Variants in ALK observed in about 807,000 individuals in gnomAD.
ALK encodes ALK tyrosine kinase receptor.
A neutral mutation model predicts 163.1 loss-of-function variants in ALK; 74 were observed. That is an observed-to-expected ratio of 0.45 (90% CI 0.38 to 0.55). ALK has a LOEUF of 0.55. ALK is among the 20% of genes least tolerant of loss of function. The pLI is 0.00. For missense variants in ALK, 2,063 were observed against 2,105.3 expected, an observed-to-expected ratio of 0.98 and a Z score of 0.39; for synonymous variants, 960 against 843.2, an observed-to-expected ratio of 1.14 and a Z score of -2.40.
At chr2:29,265,595 A>G (rs1376328101) in intron 11 of ALK, among the ~76,000 whole-genome samples, 1 of 152,210 alleles carries the variant, frequency 6.6e-6, no homozygotes. Context: ...GAATATGATC[A>G]TTGTTAGATC....
At chr2:29,692,406 G>T (rs1416573932) in intron 3 of ALK, among the ~76,000 whole-genome samples, 1 of 152,168 alleles carries the variant, frequency 6.6e-6, no homozygotes, top group East Asian at 1.9e-4. Flanking sequence ...AACCTTTTTG[G>T]CATCAAGGAC....
intron 3 of ALK, among the ~76,000 whole-genome samples, chr2:29,647,497 C>T (rs1054248725): frequency 6.6e-6 from 1 of 152,114 alleles, no homozygotes; most frequent in Non-Finnish European, 1.5e-5. Flanking sequence ...TGCAATCTTT[C>T]ATGTTTAGTG....
intron 1 of ALK, among the ~76,000 whole-genome samples, chr2:29,783,525 T>C (rs531887430): frequency 4.6e-5 from 7 of 152,198 alleles, no homozygotes; most frequent in Non-Finnish European, 8.8e-5. Context: ...CAACTGCCCA[T>C]TCATGATGTA....
intron 22 of ALK, among the ~76,000 whole-genome samples, chr2:29,222,113 T>C (rs1214665909): frequency 6.6e-6 from 1 of 152,134 alleles, no homozygotes; most frequent in Non-Finnish European, 1.5e-5. Flanking sequence ...TTGCAGACAG[T>C]GACATCGGTG....
chr2:29,355,973 T>C (rs1668236651), intron 5 of ALK, among the ~76,000 whole-genome samples: 2 of 152,134 alleles, frequency 1.3e-5, no homozygotes, highest in African/African-American at 4.8e-5. Flanking sequence ...CACAGTGGTA[T>C]CTTATAATCA....
At chr2:29,278,204 G>C (rs1261151527) in intron 9 of ALK, among the ~76,000 whole-genome samples, 1 of 152,186 alleles carries the variant, frequency 6.6e-6, no homozygotes, top group Non-Finnish European at 1.5e-5. Context: ...AGAGGAACTG[G>C]TGTGAGGGCC....
At chr2:29,824,313 G>T (rs1311757529) in intron 1 of ALK, among the ~76,000 whole-genome samples, 1 of 152,194 alleles carries the variant, frequency 6.6e-6, no homozygotes, top group Non-Finnish European at 1.5e-5. Context: ...GAGAAATGTG[G>T]GGTTGGAGCC....
chr2:29,676,566 T>C (rs1257662304), intron 3 of ALK, among the ~76,000 whole-genome samples: 2 of 152,042 alleles, frequency 1.3e-5, no homozygotes, highest in Non-Finnish European at 2.9e-5. Context: ...ACTTTGGCTT[T>C]ATAGTAAGTT....
chr2:29,737,351 T>C (rs934876212), intron 1 of ALK, among the ~76,000 whole-genome samples: 3 of 152,142 alleles, frequency 2.0e-5, no homozygotes, highest in African/African-American at 4.8e-5. Flanking sequence ...GAAAAACAAA[T>C]GTAAAACTAT....
chr2:29,249,287 C>G (rs376020139), intron 12 of ALK, among the ~76,000 whole-genome samples: 2 of 152,188 alleles, frequency 1.3e-5, no homozygotes, highest in African/African-American at 4.8e-5. Context: ...ATGGGCTCCG[C>G]TGGGGGCTTA....
intron 25 of ALK, among the ~76,000 whole-genome samples, chr2:29,208,508 A>G (rs1669374279): frequency 6.6e-6 from 1 of 152,156 alleles, no homozygotes; most frequent in South Asian, 2.1e-4. Context: ...GCTTGTGGGT[A>G]GTGTTAGAAG....
At chr2:29,369,585 C>T (rs115657171) in intron 5 of ALK, among the ~76,000 whole-genome samples, 2,701 of 152,198 alleles carry the variant, frequency 0.018, 70 homozygotes, top group African/African-American at 0.062. Flanking sequence ...TCACTGATGA[C>T]GGAGCTGGAC....
intron 1 of ALK, among the ~76,000 whole-genome samples, chr2:29,867,024 T>A (rs540849042): frequency 6.6e-5 from 10 of 152,202 alleles, no homozygotes; most frequent in South Asian, 2.1e-4. Flanking sequence ...CATAATTTAT[T>A]ATCTAGCTGG....
At chr2:29,836,156 A>C (rs1665553637) in intron 1 of ALK, among the ~76,000 whole-genome samples, 1 of 152,202 alleles carries the variant, frequency 6.6e-6, no homozygotes, top group Non-Finnish European at 1.5e-5. Context: ...TCTTTTAATA[A>C]GTCCCTTGTA....
intron 9 of ALK, among the ~76,000 whole-genome samples, chr2:29,287,815 A>G (rs1291309146): frequency 1.3e-5 from 2 of 151,710 alleles, no homozygotes; most frequent in Non-Finnish European, 2.9e-5. Flanking sequence ...GGGAAGGAAA[A>G]GGGTGGAAGG....
At chr2:29,840,233 A>G (rs968390085) in intron 1 of ALK, among the ~76,000 whole-genome samples, 3 of 152,150 alleles carry the variant, frequency 2.0e-5, no homozygotes, top group African/African-American at 7.2e-5. Context: ...GGAAGGGGCA[A>G]TATCTTGTAC....
intron 1 of ALK, among the ~76,000 whole-genome samples, chr2:29,846,766 G>A (rs1665853460): frequency 6.6e-6 from 1 of 152,210 alleles, no homozygotes; most frequent in African/African-American, 2.4e-5. Flanking sequence ...CACACTTGTT[G>A]AGTGTTTACC....
At chr2:29,550,199 T>C (rs1165750681) in intron 3 of ALK, among the ~76,000 whole-genome samples, 1 of 152,244 alleles carries the variant, frequency 6.6e-6, no homozygotes, top group Non-Finnish European at 1.5e-5. Context: ...TACTGCATTT[T>C]AATTTGCAAC....
intron 2 of ALK, among the ~76,000 whole-genome samples, chr2:29,711,896 T>G (rs1679115220): frequency 1.3e-5 from 2 of 152,240 alleles, no homozygotes; most frequent in South Asian, 4.1e-4. Context: ...ATGGATCTTT[T>G]CTGACTTGTT....
Sources: allele counts gnomAD v4.1 joint callset (sites outside exome capture counted in the v4.1 genomes callset), GRCh38; gene constraint gnomAD v4.1.1; transcripts MANE v1.5; gene names NCBI Gene and HGNC (gene_info 2026-07-23, HGNC 2026-07-21).